DOCK11: variants seen among roughly 807,000 people sequenced by gnomAD.
The protein encoded by DOCK11 is dedicator of cytokinesis 11, also known as dedicator of cytokinesis protein 11.
A neutral mutation model predicts 169.1 loss-of-function variants in DOCK11; 70 were observed. The observed-to-expected ratio is 0.41, with a 90% CI of 0.34 to 0.51. The LOEUF (loss-of-function observed/expected upper bound fraction) is 0.51. Ranked by LOEUF, DOCK11 falls within the 20% of genes least tolerant of loss-of-function variation. DOCK11 has a pLI of 0.10. For missense variants in DOCK11, 1,166 were observed against 1,538.8 expected, an observed-to-expected ratio of 0.76 and a Z score of 4.05; for synonymous variants, 529 against 541.3, an observed-to-expected ratio of 0.98 and a Z score of 0.32.
At chrX:118,645,396 A>G (rs1417094858) in intron 40 of DOCK11, among the ~76,000 whole-genome samples, 1 of 111,824 alleles carries the variant, frequency 8.9e-6, no homozygotes, top group Non-Finnish European at 1.9e-5. Context: ...AAATAATAAA[A>G]GAATTAGTAA....
intron 40 of DOCK11, among the ~76,000 whole-genome samples, chrX:118,645,330 T>C (rs1019634888): frequency 8.9e-6 from 1 of 111,767 alleles, no homozygotes; most frequent in African/African-American, 3.3e-5. Context: ...AAAATAAATA[T>C]ACTCTTTGCC....
At chrX:118,511,232 C>T (rs143010008) in intron 1 of DOCK11, among the ~76,000 whole-genome samples, 1,728 of 112,287 alleles carry the variant, frequency 0.015, 16 homozygotes, top group Non-Finnish European at 0.022. Flanking sequence ...GGGGAAACTC[C>T]CAGATTGTGT....
At chrX:118,565,060 C>T (rs993943173) in intron 7 of DOCK11, among the ~76,000 whole-genome samples, 7 of 110,080 alleles carry the variant, frequency 6.4e-5, no homozygotes, top group Non-Finnish European at 1.1e-4. Flanking sequence ...CTCAGCCCCA[C>T]GAGTAGCTGG....
intron 1 of DOCK11, among the ~76,000 whole-genome samples, chrX:118,498,421 T>C (rs1002036510): frequency 5.3e-5 from 6 of 112,618 alleles, no homozygotes; most frequent in Non-Finnish European, 5.6e-5. Flanking sequence ...GTAAGCAGTT[T>C]AGTCAACGAA....
intron 49 of DOCK11, 30 bp downstream of exon 49, chrX:118,680,722 A>C (rs758380821): frequency 1.8e-6 from 2 of 1,103,795 alleles, no homozygotes; most frequent in East Asian, 3.2e-5. Flanking sequence ...TTAACTTCTT[A>C]TTTGTCTTGG....
intron 44 of DOCK11, among the ~76,000 whole-genome samples, chrX:118,658,269 T>C (rs985335376): frequency 3.6e-5 from 4 of 112,607 alleles, no homozygotes; most frequent in Admixed American, 9.4e-5. Context: ...AATGTTTTGT[T>C]TTCTCTAATT....
chrX:118,499,717 G>A (rs983959255), intron 1 of DOCK11, among the ~76,000 whole-genome samples: 12 of 112,115 alleles, frequency 1.1e-4, no homozygotes, highest in Middle Eastern at 4.6e-3. Context: ...TTCAACTTGG[G>A]CTTCTTGACC....
chrX:118,507,040 A>C (rs939354391), intron 1 of DOCK11, among the ~76,000 whole-genome samples: 53 of 112,541 alleles, frequency 4.7e-4, no homozygotes, highest in Middle Eastern at 4.2e-3. Flanking sequence ...TTGCACAATC[A>C]TGCCTAAATT....
At chrX:118,677,927 A>C (rs957224944) in intron 48 of DOCK11, among the ~76,000 whole-genome samples, 14 of 112,107 alleles carry the variant, frequency 1.2e-4, no homozygotes, top group Non-Finnish European at 2.4e-4. Context: ...TGCAACATGC[A>C]GTTTTCTACC....
intron 13 of DOCK11, 135 bp downstream of exon 13, chrX:118,578,782 T>C: frequency 1.8e-6 from 1 of 542,723 alleles, no homozygotes; most frequent in Non-Finnish European, 2.7e-6. Flanking sequence ...TGCTAAAACT[T>C]GAACATGGCA....
chrX:118,627,095 G>A (rs1032269023), intron 32 of DOCK11, among the ~76,000 whole-genome samples: 3 of 112,002 alleles, frequency 2.7e-5, no homozygotes, highest in African/African-American at 9.7e-5. Flanking sequence ...GGGTGTGGTG[G>A]TGTATACCTG....
intron 1 of DOCK11, among the ~76,000 whole-genome samples, chrX:118,526,125 T>G (rs1255373472): frequency 8.9e-6 from 1 of 111,948 alleles, no homozygotes; most frequent in Non-Finnish European, 1.9e-5. Flanking sequence ...CCATGACATC[T>G]TGGGAGCAGC....
chrX:118,523,846 G>C (rs922597541), intron 1 of DOCK11, among the ~76,000 whole-genome samples: 12 of 111,748 alleles, frequency 1.1e-4, no homozygotes, highest in African/African-American at 3.9e-4. Flanking sequence ...TGAAGAGAAA[G>C]GAAATAAGGG....
chrX:118,639,313 A>G (rs1256279515), intron 37 of DOCK11, 122 bp from the exon 38 acceptor site: 2 of 670,261 alleles, frequency 3.0e-6, no homozygotes, highest in Non-Finnish European at 4.3e-6. Context: ...GTGACACTTC[A>G]TTTAATCCTT....
At chrX:118,533,400 T>A (rs1184989854) in intron 1 of DOCK11, among the ~76,000 whole-genome samples, 1 of 112,610 alleles carries the variant, frequency 8.9e-6, no homozygotes, top group Non-Finnish European at 1.9e-5. Context: ...TTCAATGTGA[T>A]GGATGGTGGA....
intron 32 of DOCK11, 123 bp from the exon 33 acceptor site, chrX:118,627,381 C>T: frequency 2.0e-6 from 1 of 508,937 alleles, no homozygotes; most frequent in Non-Finnish European, 3.4e-6. Flanking sequence ...TTACTAGTAT[C>T]TGATTTAGAC....
chrX:118,672,725 G>C (rs187732804), intron 46 of DOCK11, among the ~76,000 whole-genome samples: 1 of 113,215 alleles, frequency 8.8e-6, no homozygotes, highest in Non-Finnish European at 1.9e-5. Context: ...GTGAGCCACC[G>C]TGCCCGGCCT....
At chrX:118,658,634 A>G (rs1249877078) in intron 44 of DOCK11, among the ~76,000 whole-genome samples, 2 of 112,209 alleles carry the variant, frequency 1.8e-5, no homozygotes, top group Admixed American at 9.4e-5. Context: ...TTGTTCTACC[A>G]AAGAGACTTA....
intron 44 of DOCK11, among the ~76,000 whole-genome samples, chrX:118,655,752 A>G (rs748115156): frequency 1.8e-5 from 2 of 112,332 alleles, no homozygotes; most frequent in Non-Finnish European, 3.8e-5. Context: ...CTGGCAACCA[A>G]GAAATCTCTA....
Sources: gnomAD v4.1 joint callset for allele counts (sites outside exome capture counted in the v4.1 genomes callset) on GRCh38, gnomAD v4.1.1 for gene constraint, MANE v1.5 for transcripts, NCBI Gene and HGNC (gene_info 2026-07-23, HGNC 2026-07-21) for gene names.